PRRC2B: variants seen among roughly 807,000 people sequenced by gnomAD.
The protein encoded by PRRC2B is protein PRRC2B.
In PRRC2B, 68 loss-of-function variants were observed where a neutral mutation model predicts 242.3. That is an observed-to-expected ratio of 0.28 (90% confidence interval 0.23 to 0.34). The LOEUF is 0.34. PRRC2B is among the 10% of genes least tolerant of loss of function. The pLI is 1.00. For missense variants in PRRC2B, 2,835 were observed against 2,954.8 expected, an observed-to-expected ratio of 0.96 and a Z score of 0.94; for synonymous variants, 1,228 against 1,173.6, an observed-to-expected ratio of 1.05 and a Z score of -0.95.
At chr9:131,382,283 C>T (rs978622487) in intron 1 of PRRC2B, among the ~76,000 whole-genome samples, 6 of 152,166 alleles carry the variant, frequency 3.9e-5, no homozygotes, top group Non-Finnish European at 8.8e-5. Context: ...TCTCAAAGTG[C>T]TAGGATTACA....
At chr9:131,488,588 C>A (rs550649818) in intron 28 of PRRC2B, among the ~76,000 whole-genome samples, 1 of 152,172 alleles carries the variant, frequency 6.6e-6, no homozygotes, top group South Asian at 2.1e-4. Flanking sequence ...ATTCTTGAGA[C>A]CTGGCTGTCC....
intron 23 of PRRC2B, among the ~76,000 whole-genome samples, chr9:131,484,154 A>C (rs966731366): frequency 2.0e-5 from 3 of 152,234 alleles, no homozygotes; most frequent in African/African-American, 7.2e-5. Flanking sequence ...GGGGATCTGC[A>C]GGAAGCGGGG....
intron 1 of PRRC2B, among the ~76,000 whole-genome samples, chr9:131,420,013 AC>A (rs1265138051): frequency 6.7e-6 from 1 of 150,246 alleles, no homozygotes; most frequent in Middle Eastern, 3.2e-3. Context: ...GTGCTGGAGA[AC>A]CCCCCAGTTC....
intron 5 of PRRC2B, among the ~76,000 whole-genome samples, chr9:131,442,462 GACAC>G (rs1838626564): frequency 2.0e-5 from 3 of 152,090 alleles, no homozygotes; most frequent in African/African-American, 7.3e-5. Context: ...GCTCCTTCAT[GACAC>G]TTAGAGTCCA....
rs1838852224 is a variant in PRRC2B at position 131,447,797 on chromosome 9, C to G, written c.1113C>G (p.Gly371=). The G allele has an allele frequency of 6.2e-7, 1 of 1,611,924 alleles. No homozygotes were observed. The highest frequency in any genetic ancestry group is 8.5e-7 in the Non-Finnish European group (1 of 1,178,686). ...ATCTGGACGCCGATGCCGATGATGG[C>G]TGGGCAGGTGGGCAGAGAAGCACGG... The part of the protein sequence containing the change: ...LDDLDADADD[G]WAGLHEEVDY... Residue 371 remains glycine (G), a synonymous_variant, in exon 9 of 32, where the codon GGC becomes GGG. Coordinates refer to ENST00000683519, the MANE Select transcript of PRRC2B (RefSeq NM_013318.4).
At chr9:131,483,129 T>C (rs1943917961) in intron 22 of PRRC2B, among the ~76,000 whole-genome samples, 1 of 152,138 alleles carries the variant, frequency 6.6e-6, no homozygotes, top group Non-Finnish European at 1.5e-5. Flanking sequence ...GCCAGTGATC[T>C]TCCCTGTTTC....
chr9:131,390,553 G>A (rs1189399033), upstream of PRRC2B, among the ~76,000 whole-genome samples: 21 of 125,624 alleles, frequency 1.7e-4, no homozygotes, highest in Middle Eastern at 5.6e-3. Context: ...TGTGATCTCA[G>A]CTCAGTGCAA....
chr9:131,488,386 C>T (rs1315858166), intron 28 of PRRC2B, among the ~76,000 whole-genome samples: 2 of 152,012 alleles, frequency 1.3e-5, no homozygotes, highest in Non-Finnish European at 2.9e-5. Flanking sequence ...GCCTCAGCCT[C>T]CTGAGTAGCT....
In PRRC2B at chr9:131,423,785, A is replaced by C. The variant is rs539474090; in HGVS notation, c.-51-6309A>C. Among the ~76,000 whole-genome samples the C allele has an allele frequency of 1.0e-3, 153 of 152,270 alleles. 3 individuals carry two copies. The South Asian group carries it at 0.024, about 24-fold the overall frequency. On this transcript the variant is annotated intron_variant, in intron 1 of 31. Transcript: ENST00000683519. ...TCCACTTGTGCAGTCTTCACTGTGG[A>C]GAGTGTAATTGTCCTCGTAGGGGCT...
intron 10 of PRRC2B, among the ~76,000 whole-genome samples, chr9:131,458,020 C>T (rs577001295): frequency 2.6e-5 from 4 of 152,106 alleles, no homozygotes; most frequent in Non-Finnish European, 4.4e-5. Context: ...ATGCTTTGCC[C>T]CAGCACCATT....
Position 131,446,402 on chromosome 9 carries a change from T to A in PRRC2B, c.615T>A (p.Asn205Lys), listed in dbSNP as rs1345733227. 6.2e-7 allele frequency: 1 copy of A among 1,613,624 alleles called. No individual in the cohort carries two copies. Among genetic ancestry groups the A allele is most frequent in the African/African-American group, 1.3e-5 (1 of 74,872 alleles). The change falls in exon 7 of 32, where the codon AAT becomes AAA. Residue 205 changes from asparagine to lysine, a missense_variant and splice_region_variant. Transcript: ENST00000683519. This position sits in a 1 kb window ranked among gnomAD's most constrained non-coding sequence, Gnocchi z 4.1. ...CTTTTGCCCCCTTTCAATTTCCAGA[T>A]GTGACAAGCTGGAGGGAGGGCGGTG... ...YGPGPSLRPQ[N>K]VTSWREGGGR...
At chr9:131,377,006 G>A (rs1301300410) in intron 1 of PRRC2B, among the ~76,000 whole-genome samples, 2 of 152,086 alleles carry the variant, frequency 1.3e-5, no homozygotes, top group South Asian at 2.1e-4. Context: ...GACCCGGTCC[G>A]TTGAAAAAAT....
intron 1 of PRRC2B, among the ~76,000 whole-genome samples, chr9:131,404,378 C>T (rs911894039): frequency 3.3e-5 from 5 of 152,010 alleles, no homozygotes; most frequent in African/African-American, 1.2e-4. Flanking sequence ...CGCCACCATG[C>T]CTAGTTGATT....
chr9:131,463,628 C>CTTTTTTTTTTTTTTTTT, intron 11 of PRRC2B, among the ~76,000 whole-genome samples: 1 of 125,778 alleles, frequency 8.0e-6, no homozygotes, highest in Non-Finnish European at 1.6e-5. Flanking sequence ...TTTAGGCATG[C>CTTTTTTTTTTTTTTTTT]TTTTTTTTTT....
chr9:131,441,078 G>C (rs1838554791), intron 5 of PRRC2B, among the ~76,000 whole-genome samples: 1 of 152,084 alleles, frequency 6.6e-6, no homozygotes, highest in Non-Finnish European at 1.5e-5. Flanking sequence ...CACCAACCTG[G>C]GTGACAGAGC....
At chr9:131,381,113 T>A (rs1271847331) in intron 1 of PRRC2B, among the ~76,000 whole-genome samples, 2 of 152,098 alleles carry the variant, frequency 1.3e-5, no homozygotes, top group African/African-American at 2.4e-5. Flanking sequence ...TCCTTCATCC[T>A]ACCCTTATCC....
chr9:131,464,221 CG>C (rs1943327577), intron 11 of PRRC2B, among the ~76,000 whole-genome samples: 1 of 152,220 alleles, frequency 6.6e-6, no homozygotes, highest in Non-Finnish European at 1.5e-5. Context: ...GGATTACAGG[CG>C]TGAGCCACTG....
chr9:131,427,651 T>TA (rs1192065009), intron 1 of PRRC2B, among the ~76,000 whole-genome samples: 2 of 152,110 alleles, frequency 1.3e-5, no homozygotes, highest in East Asian at 3.9e-4. Context: ...GTTTTATCTT[T>TA]AAAATCATCC....
chr9:131,374,298 G>T (rs1037504901), intron 1 of PRRC2B, among the ~76,000 whole-genome samples: 3 of 151,980 alleles, frequency 2.0e-5, no homozygotes, highest in Non-Finnish European at 4.4e-5. Flanking sequence ...GCGCCCAGCG[G>T]AGACTCTGTC....
Sources: allele counts gnomAD v4.1 joint callset (sites outside exome capture counted in the v4.1 genomes callset), GRCh38; gene constraint gnomAD v4.1.1; non-coding constraint Gnocchi (gnomAD v3.1); transcripts MANE v1.5; gene names NCBI Gene and HGNC (gene_info 2026-07-23, HGNC 2026-07-21).